The following MFSD6 variants were observed in gnomAD, a reference collection of about 807,000 sequenced individuals.
MFSD6 encodes the protein major facilitator superfamily domain-containing protein 6.
Under a neutral mutation model 56.3 loss-of-function variants are expected in MFSD6, and 26 were observed. That is an observed-to-expected ratio of 0.46 (90% CI 0.34 to 0.64). The LOEUF is 0.64. MFSD6 is among the 30% of genes least tolerant of loss of function. MFSD6 has a pLI of 0.01. For missense variants in MFSD6, 750 were observed against 986.2 expected, an observed-to-expected ratio of 0.76 and a Z score of 3.21; for synonymous variants, 331 against 366.9, an observed-to-expected ratio of 0.90 and a Z score of 1.12.
In MFSD6 at chr2:190,501,361, C is replaced by CA. The variant is rs1690014445; in HGVS notation, c.*1144dup. ...ATATTCGTTCTCATGAAGACACAGT[C>CA]AGACACTGGACAATGTAATGTATGC... On this transcript the variant is annotated 3_prime_UTR_variant, in exon 8 of 8. Transcript: ENST00000392328. 1 of 152,174 alleles carries CA rather than the reference C, an allele frequency of 6.6e-6. No individual in the cohort carries two copies. Among genetic ancestry groups the CA allele is most frequent in the Non-Finnish European group, 1.5e-5 (1 of 68,038 alleles). The allele number at this position is 152,174 out of a possible 1,614,324, so 9.4% of individuals were successfully genotyped here.
rs73050072 is a variant in MFSD6, at chr2:190,436,190, T to C, written c.161T>C (p.Ile54Thr). 2,095 of 1,614,162 alleles carry C rather than the reference T, an allele frequency of 1.3e-3. 39 individuals are homozygous for C. In the African/African-American group the frequency reaches 0.025, roughly 19 times the overall value. Residue 54 changes from isoleucine (I) to threonine (T), a missense_variant, in exon 3 of 8, where the codon ATA (isoleucine) becomes ACA (threonine). Transcript: ENST00000392328. This position sits in a 1 kb window ranked among gnomAD's most constrained non-coding sequence, Gnocchi z 5.3. The stretch of plus-strand genomic sequence containing the variant: ...ACATCTGCTATTCCTGAGGAGGAAA[T>C]AGACTGGATAGAGAAACATTGTGTT... ...TETSAIPEEE[I>T]DWIEKHCVKI...
chr2:190,412,819 A>C lies in MFSD6; in HGVS notation c.-175-2473A>C, dbSNP rs887217215. 6.6e-6 allele frequency among the ~76,000 whole-genome samples: 1 copy of C among 152,132 alleles called. No individual in the cohort carries two copies. Among genetic ancestry groups the C allele is most frequent in the African/African-American group, 2.4e-5 (1 of 41,428 alleles). ...CTGGATTCAGTAACATTTGCTTTGT[A>C]GCTGTTTTTGATTGCCCACATTTGG... On this transcript the variant is annotated intron_variant, in intron 1 of 7. Coordinates refer to ENST00000392328, the MANE Select transcript of MFSD6 (RefSeq NM_017694.4). The surrounding 1 kb of genome is among the most constrained non-coding windows in gnomAD (Gnocchi z 4.1).
At position 190,457,438 on chromosome 2, in the gene MFSD6, G is replaced by A. The variant is rs112574497; in HGVS notation, c.1533-12320G>A. Reference sequence around the variant, plus strand: ...CCTACCCCCAGGACTCAGACTTTGCGTGTTTTTTGCTGACAAGTCAAAAAT... The same window carrying A: ...CCTACCCCCAGGACTCAGACTTTGCATGTTTTTTGCTGACAAGTCAAAAAT... On this transcript the variant is annotated intron_variant, in intron 3 of 7. Transcript: ENST00000392328. This position sits in a 1 kb window ranked among gnomAD's most constrained non-coding sequence, Gnocchi z 5.1. Among the ~76,000 whole-genome samples the A allele has an allele frequency of 1.3e-5, 2 of 152,168 alleles. No individual in the cohort carries two copies. Among genetic ancestry groups the A allele is most frequent in the Non-Finnish European group, 2.9e-5 (2 of 68,032 alleles).
Position 190,437,194 on chromosome 2 carries a change from T to C in MFSD6, c.1165T>C (p.Phe389Leu). Residue 389 changes from phenylalanine (F) to leucine (L), a missense_variant, in exon 3 of 8, where the codon TTC becomes CTC. Transcript: ENST00000392328. This position sits in a 1 kb window ranked among gnomAD's most constrained non-coding sequence, Gnocchi z 5.9. ...CATGGCCTTGATCGTTGCCACTCAG[T>C]TCCGGTTCCGCTACAACCATTTCAA... ...MTMALIVATQ[F>L]RFRYNHFKND... 3 of 1,614,206 alleles carry C rather than the reference T, an allele frequency of 1.9e-6. No individual in the cohort carries two copies. Among genetic ancestry groups the C allele is most frequent in the Non-Finnish European group, 2.5e-6 (3 of 1,180,028 alleles).
intron 3 of MFSD6, chr2:190,444,970 C>G (rs1340770775): frequency 4.2e-6 from 2 of 476,234 alleles, no homozygotes; most frequent in Non-Finnish European, 5.5e-6. Context: ...AAATTTAGAG[C>G]TAGTGTAGTC....
intron 1 of MFSD6, chr2:190,411,413 C>T: frequency 5.5e-6 from 5 of 900,920 alleles, no homozygotes; most frequent in Non-Finnish European, 6.6e-6. Flanking sequence ...CTGCCTAGGC[C>T]TCCCAAAGTG....
In MFSD6 at chr2:190,497,723, C is replaced by T. The variant is rs755533086; in HGVS notation, c.2172+4C>T. On this transcript the variant is annotated splice_donor_region_variant and intron_variant, in intron 7 of 7. Transcript: ENST00000392328. The surrounding 1 kb of genome is among the most constrained non-coding windows in gnomAD (Gnocchi z 5.2). ...TTCTGAGATACAGCCTTTACAGGTA[C>T]AGTTCCTTTGCTGGGCTAGCAATAT... The T allele has an allele frequency of 1.9e-6, 3 of 1,608,916 alleles. No individual in the cohort carries two copies. The South Asian group carries it at 3.3e-5, about 18-fold the overall frequency.
upstream of MFSD6, among the ~76,000 whole-genome samples, chr2:190,407,974 G>T (rs916738357): frequency 1.3e-5 from 2 of 152,244 alleles, no homozygotes; most frequent in Admixed American, 6.5e-5. This position sits in a 1 kb window ranked among gnomAD's most constrained non-coding sequence, Gnocchi z 5.4. Flanking sequence ...GGGGGTGCGG[G>T]GGGGTGGAGG....
intron 3 of MFSD6, among the ~76,000 whole-genome samples, chr2:190,450,941 G>A (rs1197756514): frequency 6.6e-6 from 1 of 152,178 alleles, no homozygotes; most frequent in East Asian, 1.9e-4. Context: ...AGTACAGTGA[G>A]GAATCCTCAG....
chr2:190,496,772 G>A lies in MFSD6; in HGVS notation c.1892-667G>A, dbSNP rs989055941. Among the ~76,000 whole-genome samples the A allele has an allele frequency of 7.9e-5, 12 of 152,318 alleles. No individual in the cohort carries two copies. The highest frequency in any genetic ancestry group is 1.2e-4 in the Non-Finnish European group (8 of 68,040). ...TAATGGCATTCACAGCAACCTGGAT[G>A]GAACTGGAGACCATATTCTAAGTGA... On this transcript the variant is annotated intron_variant, in intron 6 of 7. Transcript: ENST00000392328. The surrounding 1 kb of genome is among the most constrained non-coding windows in gnomAD (Gnocchi z 4.7).
At chr2:190,466,920 G>T (rs1372359457) in intron 3 of MFSD6, among the ~76,000 whole-genome samples, 4 of 152,158 alleles carry the variant, frequency 2.6e-5, no homozygotes, top group African/African-American at 9.7e-5. Flanking sequence ...TTCCATCTGG[G>T]AAGAGGTTTG....
Position 190,447,246 on chromosome 2 carries a change from ATTTTG to A in MFSD6, c.1532+9701_1532+9705del, listed in dbSNP as rs936931411. 1.3e-5 allele frequency among the ~76,000 whole-genome samples: 2 copies of A among 152,160 alleles called. No individual in the cohort carries two copies. The highest frequency in any genetic ancestry group is 2.1e-4 in the South Asian group (1 of 4,822). On this transcript the variant is annotated intron_variant, in intron 3 of 7. Coordinates refer to ENST00000392328, the MANE Select transcript of MFSD6 (RefSeq NM_017694.4). The surrounding 1 kb of genome is among the most constrained non-coding windows in gnomAD (Gnocchi z 4.5). The stretch of plus-strand genomic sequence containing the variant: ...AGAGAACACAAAGTTAGTGATTTCA[ATTTTG>A]TTTTGTTTTGTTTTGCTTTTAGCCA...
rs185739951 is a variant in MFSD6 at position 190,428,924 on chromosome 2, C to T, written c.-53-7053C>T. Among the ~76,000 whole-genome samples the T allele has an allele frequency of 2.5e-4, 38 of 152,254 alleles. No homozygotes were observed. The East Asian group carries it at 5.4e-3, about 22-fold the overall frequency. ...CTGGCTTCAAGTGATCCACCTCCCTCGGCCTCTCAAAGTGCTGGGATTACA... is the reference window on the plus strand; with the variant it reads ...CTGGCTTCAAGTGATCCACCTCCCTTGGCCTCTCAAAGTGCTGGGATTACA... On this transcript the variant is annotated intron_variant, in intron 2 of 7. Transcript: ENST00000392328.
At chr2:190,466,568 A>AGAT (rs1163834409) in intron 3 of MFSD6, among the ~76,000 whole-genome samples, 5 of 152,096 alleles carry the variant, frequency 3.3e-5, no homozygotes, top group Admixed American at 2.0e-4. Flanking sequence ...CTTTTCCTTA[A>AGAT]GATGATGATG....
rs1457548293 is a variant in MFSD6 at position 190,454,525 on chromosome 2, CTTTCTTT to C, written c.1533-15232_1533-15226del. On this transcript the variant is annotated intron_variant, in intron 3 of 7. Transcript: ENST00000392328. The surrounding 1 kb of genome is among the most constrained non-coding windows in gnomAD (Gnocchi z 4.6). ...CTTGCTTGTGTACGACTCTTTTTCT[CTTTCTTT>C]ACCCTTCCCTCTTCCCCTCTGCCGC... The C allele has an allele frequency of 2.7e-4, 41 of 152,186 alleles. No homozygotes were observed. The highest frequency in any genetic ancestry group is 1.6e-3 in the Admixed American group (25 of 15,278). 9.4% of individuals were successfully genotyped at this position (152,186 alleles called of 1,614,324 possible). A position where few individuals can be genotyped will look rare whatever the true frequency, so the allele number is the denominator to read the frequency against.
At chr2:190,473,549 C>T (rs1028634392) in intron 4 of MFSD6, among the ~76,000 whole-genome samples, 2 of 152,164 alleles carry the variant, frequency 1.3e-5, no homozygotes, top group Admixed American at 1.3e-4. Context: ...GCACCCAATA[C>T]AGGAGCACCC....
chr2:190,464,113 T>C (rs930690041), intron 3 of MFSD6, among the ~76,000 whole-genome samples: 1 of 152,220 alleles, frequency 6.6e-6, no homozygotes, highest in African/African-American at 2.4e-5. Flanking sequence ...TCTCCCACCC[T>C]GGCCTCGAGC....
chr2:190,427,814 C>T (rs1685829796), intron 2 of MFSD6, among the ~76,000 whole-genome samples: 1 of 152,024 alleles, frequency 6.6e-6, no homozygotes, highest in Non-Finnish European at 1.5e-5. Flanking sequence ...TCACTGCAAT[C>T]CCCACCTCCT....
chr2:190,432,829 A>AACAC (rs567758257), intron 2 of MFSD6, among the ~76,000 whole-genome samples: 1 of 110,206 alleles, frequency 9.1e-6, no homozygotes, highest in Admixed American at 7.9e-5. Flanking sequence ...CCCGCCCCCC[A>AACAC]ACACACACAC....
Sources: gnomAD v4.1 joint callset for allele counts (sites outside exome capture counted in the v4.1 genomes callset) on GRCh38, gnomAD v4.1.1 for gene constraint, Gnocchi (gnomAD v3.1) non-coding constraint, MANE v1.5 for transcripts, NCBI Gene and HGNC (gene_info 2026-07-23, HGNC 2026-07-21) for gene names.